NPR2: variants seen among roughly 807,000 people sequenced by gnomAD.
NPR2 encodes the protein natriuretic peptide receptor 2.
NPR2 carries 49 observed loss-of-function variants against 120.7 expected under a neutral mutation model. That is an observed-to-expected ratio of 0.41 (90% CI 0.32 to 0.52). The LOEUF is 0.52. Among genes scored for constraint, NPR2 ranks in the 20% least tolerant of loss-of-function variants. The pLI is 0.36. For synonymous variants in NPR2, 484 were observed against 519.8 expected, an observed-to-expected ratio of 0.93 and a Z score of 0.94; for missense variants, 931 against 1,362.9, an observed-to-expected ratio of 0.68 and a Z score of 4.99.
chr9:35,798,655 A>G (rs1209863277), intron 2 of NPR2, among the ~76,000 whole-genome samples: 2 of 152,214 alleles, frequency 1.3e-5, no homozygotes, highest in Non-Finnish European at 2.9e-5. Flanking sequence ...GTTTCATAAA[A>G]TATATTGAAC....
In NPR2 at chr9:35,800,351, GGTA is replaced by G. The variant is rs749053776; in HGVS notation, c.1124-36_1124-34del. Reference sequence around the variant, plus strand: ...ATGAGTGAGTGGGAGAGGAGCCCAGGGTAGACCTCAAAGAAAGGACACTCTTTT... The same window carrying G: ...ATGAGTGAGTGGGAGAGGAGCCCAGGGACCTCAAAGAAAGGACACTCTTTT... On this transcript the variant is annotated intron_variant, in intron 4 of 21. Transcript: ENST00000342694. This position sits in a 1 kb window ranked among gnomAD's most constrained non-coding sequence, Gnocchi z 4.7. The G allele has an allele frequency of 6.3e-7, 1 of 1,575,994 alleles. No homozygotes were observed. Among genetic ancestry groups the G allele is most frequent in the South Asian group, 1.1e-5 (1 of 90,334 alleles).
chr9:35,801,825 G>C, intron 8 of NPR2, 62 bp downstream of exon 8: 1 of 1,611,778 alleles, frequency 6.2e-7, no homozygotes, highest in Non-Finnish European at 8.5e-7. Context: ...TCTTACCCTG[G>C]ATCTCTCCCA....
chr9:35,807,446 C>T (rs541906641), intron 18 of NPR2, 48 bp downstream of exon 18: 75 of 1,428,846 alleles, frequency 5.2e-5, no homozygotes, highest in African/African-American at 2.5e-4. Flanking sequence ...AATAGAGACC[C>T]GCTTTGAAAC....
Position 35,806,670 on chromosome 9 carries a change from A to G in NPR2, c.2519+132A>G. On this transcript the variant is annotated intron_variant, in intron 16 of 21. Coordinates refer to ENST00000342694, the MANE Select transcript of NPR2 (RefSeq NM_003995.4). The surrounding 1 kb of genome is among the most constrained non-coding windows in gnomAD (Gnocchi z 4.6). The stretch of plus-strand genomic sequence containing the variant: ...GGCCACAGGGAGCACCCCTGCTTAT[A>G]GATTATTTGCTGTCATTCTGTCTCC... The G allele has an allele frequency of 1.0e-6, 1 of 979,588 alleles. No individual in the cohort carries two copies. Among genetic ancestry groups the G allele is most frequent in the Non-Finnish European group, 1.6e-6 (1 of 620,648 alleles). The allele number at this position is 979,588 out of a possible 1,614,324, so 60.7% of individuals were successfully genotyped here.
Position 35,808,299 on chromosome 9 carries a change from A to C in NPR2, c.2713-210A>C. On this transcript the variant is annotated intron_variant, in intron 18 of 21. Transcript: ENST00000342694. This position sits in a 1 kb window ranked among gnomAD's most constrained non-coding sequence, Gnocchi z 4.0. The stretch of plus-strand genomic sequence containing the variant: ...TTCCGCAAATGTTTACTGAGTATTC[A>C]CCAGGTGCTGGGTGGAGAAAGAAGA... The C allele has an allele frequency of 6.2e-7, 1 of 1,607,372 alleles. No individual in the cohort carries two copies. Among genetic ancestry groups the C allele is most frequent in the Non-Finnish European group, 8.5e-7 (1 of 1,173,810 alleles).
Position 35,805,531 on chromosome 9 carries a change from C to T in NPR2, c.1908C>T (p.Asn636=). 8 of 1,614,198 alleles carry T rather than the reference C, an allele frequency of 5.0e-6. No individual in the cohort carries two copies. Among genetic ancestry groups the T allele is most frequent in the South Asian group, 1.1e-5 (1 of 91,082 alleles). Residue 636 remains asparagine (N), a synonymous_variant, in exon 13 of 22, where the codon AAC becomes AAT. Transcript: ENST00000342694. The surrounding 1 kb of genome is among the most constrained non-coding windows in gnomAD (Gnocchi z 4.9). ...DLVKGMAFLH[N]SIISSHGSLK... is the part of the protein sequence containing the mutation. The stretch of plus-strand genomic sequence containing the variant: ...TGCAGGGCATGGCCTTTCTCCACAA[C>T]AGCATTATTTCATCGCATGGGAGTC...
chr9:35,796,174 C>T (rs138901096), intron 2 of NPR2, among the ~76,000 whole-genome samples: 31 of 152,292 alleles, frequency 2.0e-4, no homozygotes, highest in African/African-American at 7.5e-4. Context: ...TGGGAGCACT[C>T]CATAACCTTC....
Position 35,800,638 on chromosome 9 carries a change from G to A in NPR2, c.1219-71G>A, listed in dbSNP as rs539791945. 2.7e-5 allele frequency: 44 copies of A among 1,612,554 alleles called. No individual in the cohort carries two copies. In the African/African-American group the frequency reaches 3.5e-4, roughly 13 times the overall value. On this transcript the variant is annotated intron_variant, in intron 5 of 21. Coordinates refer to ENST00000342694, the MANE Select transcript of NPR2 (RefSeq NM_003995.4). This position sits in a 1 kb window ranked among gnomAD's most constrained non-coding sequence, Gnocchi z 4.7. ...GTGGTAGGCTGGGGAGAAAAGCAGCGAAACAGCTGGGGTCTGGGGAGGAGG... is the reference window on the plus strand; with the variant it reads ...GTGGTAGGCTGGGGAGAAAAGCAGCAAAACAGCTGGGGTCTGGGGAGGAGG...
chr9:35,799,414 CACA>C (rs1327526000), intron 2 of NPR2, among the ~76,000 whole-genome samples: 2 of 140,462 alleles, frequency 1.4e-5, no homozygotes, highest in Admixed American at 1.4e-4. Flanking sequence ...ATGTATGCAA[CACA>C]ACACACACAC....
intron 2 of NPR2, among the ~76,000 whole-genome samples, chr9:35,795,361 C>T (rs891620004): frequency 6.6e-6 from 1 of 152,172 alleles, no homozygotes; most frequent in African/African-American, 2.4e-5. Context: ...TTTTACTAAC[C>T]GTGCATATAA....
intron 2 of NPR2, among the ~76,000 whole-genome samples, chr9:35,796,694 G>C (rs1827954489): frequency 6.6e-6 from 1 of 152,202 alleles, no homozygotes; most frequent in Non-Finnish European, 1.5e-5. Context: ...ACAAGAGAAG[G>C]GAACTAGGCA....
rs1192176885 is a variant in NPR2 at position 35,801,087 on chromosome 9, G to A, written c.1369G>A (p.Ala457Thr). ...SCDKTPLSTL[A>T]IVALGTGITF... Reference sequence around the variant, plus strand: ...CCCTTCAGCTCCACTTTCAACCCTGGCAATTGTGGCTCTGGGCACAGGAAT... The same window carrying A: ...CCCTTCAGCTCCACTTTCAACCCTGACAATTGTGGCTCTGGGCACAGGAAT... The change falls in exon 7 of 22, where the codon GCA becomes ACA. Residue 457 changes from alanine to threonine, a missense_variant. Ala to Thr is a moderately conservative substitution (Grantham distance 58, BLOSUM62 0). Around this residue, in one of 3 missense-constraint regions of NPR2, gnomAD observed 681 missense variants for 974.3 expected, o/e 0.70. Coordinates refer to ENST00000342694, the MANE Select transcript of NPR2 (RefSeq NM_003995.4). 5 of 1,613,972 alleles carry A rather than the reference G, an allele frequency of 3.1e-6. No homozygotes were observed. Among genetic ancestry groups the A allele is most frequent in the Non-Finnish European group, 3.4e-6 (4 of 1,179,878 alleles).
In NPR2 at chr9:35,806,185, A is replaced by G; in HGVS notation, c.2324A>G (p.Glu775Gly). ...CGATGTTGGGCTCAGGACCCAGCTG[A>G]GCGGCCAGACTTTGGACAGATTAAG... ...MERCWAQDPA[E>G]RPDFGQIKGF... Residue 775 changes from glutamate (E) to glycine (G), a missense_variant, in exon 15 of 22, where the codon GAG (glutamate) becomes GGG (glycine). Around this residue, in one of 3 missense-constraint regions of NPR2, gnomAD observed 66 missense variants for 60.3 expected, o/e 1.09. Coordinates refer to ENST00000342694, the MANE Select transcript of NPR2 (RefSeq NM_003995.4). This position sits in a 1 kb window ranked among gnomAD's most constrained non-coding sequence, Gnocchi z 4.6. 6.2e-7 allele frequency: 1 copy of G among 1,614,174 alleles called. No homozygotes were observed. Among genetic ancestry groups the G allele is most frequent in the South Asian group, 1.1e-5 (1 of 91,082 alleles).
Position 35,800,437 on chromosome 9 carries a change from A to C in NPR2, c.1172A>C (p.Asp391Ala). 6.2e-7 allele frequency: 1 copy of C among 1,614,120 alleles called. No individual in the cohort carries two copies. Among genetic ancestry groups the C allele is most frequent in the Non-Finnish European group, 8.5e-7 (1 of 1,179,992 alleles). Reference sequence around the variant, plus strand: ...GACAAGAACAATGACCGAGAGACTGACTTTGTCCTCTGGGCCATGGGAGAC... The same window carrying C: ...GACAAGAACAATGACCGAGAGACTGCCTTTGTCCTCTGGGCCATGGGAGAC... ...VMDKNNDRET[D>A]FVLWAMGDLD... The change falls in exon 5 of 22, where the codon GAC becomes GCC. Residue 391 changes from aspartate (D) to alanine (A), a missense_variant. Transcript: ENST00000342694. This position sits in a 1 kb window ranked among gnomAD's most constrained non-coding sequence, Gnocchi z 4.7.
In NPR2 at chr9:35,808,797, A is replaced by G; in HGVS notation, c.2930A>G (p.Tyr977Cys). The G allele has an allele frequency of 6.2e-7, 1 of 1,613,794 alleles. No homozygotes were observed. The highest frequency in any genetic ancestry group is 8.5e-7 in the Non-Finnish European group (1 of 1,179,712). Reference protein sequence around the residue: ...AGVVGLKMPRYCLFGDTVNTA... With the variant: ...AGVVGLKMPRCCLFGDTVNTA... ...GTTGTTGGCCTGAAGATGCCCCGTT[A>G]TTGTCTTTTTGGAGACACAGTGAAC... Residue 977 changes from tyrosine (Y) to cysteine (C), a missense_variant, in exon 20 of 22, where the codon TAT becomes TGT. Physicochemically the swap from Tyr to Cys is radical, Grantham distance 194. Around this residue, in one of 3 missense-constraint regions of NPR2, gnomAD observed 184 missense variants for 328.3 expected, o/e 0.56. Coordinates refer to ENST00000342694, the MANE Select transcript of NPR2 (RefSeq NM_003995.4). This position sits in a 1 kb window ranked among gnomAD's most constrained non-coding sequence, Gnocchi z 4.0.
chr9:35,792,648 A>G lies in NPR2; in HGVS notation c.240A>G (p.Ala80=). ...ELEGACSEYL[A]PLSAVDLKLY... ...AAGGCGCCTGCTCTGAGTACCTGGCACCGCTGAGCGCTGTGGACCTCAAGC... is the reference window on the plus strand; with the variant it reads ...AAGGCGCCTGCTCTGAGTACCTGGCGCCGCTGAGCGCTGTGGACCTCAAGC... The change falls in exon 1 of 22, where the codon GCA becomes GCG. Residue 80 remains alanine, a synonymous_variant. Coordinates refer to ENST00000342694, the MANE Select transcript of NPR2 (RefSeq NM_003995.4). 6.2e-7 allele frequency: 1 copy of G among 1,613,976 alleles called. No individual in the cohort carries two copies.
In NPR2 at chr9:35,802,782, A is replaced by T. The variant is rs116658410; in HGVS notation, c.1866A>T (p.Ser622=). Reference sequence around the variant, plus strand: ...ACTTGGACTGGATGTTTCGTTATTCACTCATTAATGACCTTGTTAAGGTGA... The same window carrying T: ...ACTTGGACTGGATGTTTCGTTATTCTCTCATTAATGACCTTGTTAAGGTGA... ...SINLDWMFRY[S]LINDLVKGMA... is the part of the protein sequence containing the mutation. Residue 622 remains serine, a synonymous_variant, in exon 12 of 22, where the codon TCA becomes TCT. Transcript: ENST00000342694. The surrounding 1 kb of genome is among the most constrained non-coding windows in gnomAD (Gnocchi z 4.2). 4.3e-6 allele frequency: 7 copies of T among 1,611,368 alleles called. No homozygotes were observed. Among genetic ancestry groups the T allele is most frequent in the South Asian group, 1.1e-5 (1 of 91,010 alleles).
intron 2 of NPR2, 125 bp downstream of exon 2, chr9:35,794,228 A>T (rs1052500990): frequency 2.4e-6 from 2 of 846,336 alleles, no homozygotes; most frequent in African/African-American, 1.7e-5. Context: ...AGTAAAATGA[A>T]CAGAGGCATT....
In NPR2 at chr9:35,792,177, T is replaced by A; in HGVS notation, c.-232T>A. 2.1e-6 allele frequency: 1 copy of A among 477,862 alleles called. No individual in the cohort carries two copies. Among genetic ancestry groups the A allele is most frequent in the Non-Finnish European group, 3.8e-6 (1 of 264,834 alleles). The allele number at this position is 477,862 out of a possible 1,614,324, so 29.6% of individuals were successfully genotyped here. ...CCTCCCCCTGCCACCCCGTTCTCAG[T>A]CCTCAGTCCTTGCCCTAGGCTGGTA... On this transcript the variant is annotated 5_prime_UTR_variant, in exon 1 of 22. Transcript: ENST00000342694.
Sources: gnomAD v4.1 joint callset for allele counts (sites outside exome capture counted in the v4.1 genomes callset) on GRCh38, gnomAD v4.1.1 for gene constraint, gnomAD v4.1.1 regional missense constraint, Gnocchi (gnomAD v3.1) non-coding constraint, MANE v1.5 for transcripts, NCBI Gene and HGNC (gene_info 2026-07-23, HGNC 2026-07-21) for gene names.